The following UBAP1 variants were observed in gnomAD, a reference collection of about 807,000 sequenced individuals.
UBAP1 encodes the protein ubiquitin-associated protein 1.
In UBAP1, 5 loss-of-function variants were observed where a neutral mutation model predicts 39.0. The observed-to-expected ratio is 0.13, with a 90% CI of 0.07 to 0.27. UBAP1 has a LOEUF of 0.27. Among genes scored for constraint, UBAP1 ranks in the 10% least tolerant of loss-of-function variants. The probability of loss-of-function intolerance (pLI) is 1.00; values close to 1 mark genes in which losing one functional copy is unlikely to be tolerated. For synonymous variants in UBAP1, 211 were observed against 225.1 expected (o/e 0.94, Z 0.56); for missense variants, 490 against 608.1 (o/e 0.81, Z 2.04).
intron 1 of UBAP1, among the ~76,000 whole-genome samples, chr9:34,196,898 T>TTGTGTGTG (rs777008697): frequency 0.1 from 14,298 of 141,156 alleles, 843 homozygotes; most frequent in Middle Eastern, 0.14. Flanking sequence ...ATATTGTTAT[T>TTGTGTGTG]TGTGTGTGTG....
intron 2 of UBAP1, among the ~76,000 whole-genome samples, chr9:34,226,356 C>A (rs769384559): frequency 6.6e-6 from 1 of 151,644 alleles, no homozygotes; most frequent in Non-Finnish European, 1.5e-5. Context: ...CCTGTCTCAG[C>A]CCCCTGAGTA....
intron 1 of UBAP1, among the ~76,000 whole-genome samples, chr9:34,198,437 T>A (rs1229721699): frequency 6.6e-6 from 1 of 151,966 alleles, no homozygotes; most frequent in Non-Finnish European, 1.5e-5. Context: ...TCCTGTGGAG[T>A]TGGAGTTTCA....
chr9:34,194,514 C>T (rs1830912774), intron 1 of UBAP1, among the ~76,000 whole-genome samples: 1 of 152,080 alleles, frequency 6.6e-6, no homozygotes, highest in South Asian at 2.1e-4. Context: ...TGGGGTTTCA[C>T]TGTTTTAGCC....
intron 1 of UBAP1, among the ~76,000 whole-genome samples, chr9:34,193,999 A>G (rs1467710913): frequency 1.3e-5 from 2 of 152,196 alleles, no homozygotes; most frequent in Non-Finnish European, 1.5e-5. Context: ...CCTGCCCCTG[A>G]GACCTAACAC....
Position 34,215,732 on chromosome 9 carries a change from C to T in UBAP1, c.-7-5176C>T, listed in dbSNP as rs1251302780. ...AAAGTATAGGAAGTTATTGGTGAAA[C>T]GTGTGTACATATATATATGTACACA... is the stretch of plus-strand genomic sequence containing the variant. On this transcript the variant is annotated intron_variant, in intron 1 of 6. Coordinates refer to ENST00000297661, the MANE Select transcript of UBAP1 (RefSeq NM_016525.5). Among the ~76,000 whole-genome samples, 12 of 151,560 alleles carry T rather than the reference C, an allele frequency of 7.9e-5. 1 individual carries two copies. The highest frequency in any genetic ancestry group is 6.6e-4 in the Admixed American group (10 of 15,206).
intron 1 of UBAP1, among the ~76,000 whole-genome samples, chr9:34,186,649 C>T (rs1197478972): frequency 6.6e-6 from 1 of 151,828 alleles, no homozygotes; most frequent in Non-Finnish European, 1.5e-5. Flanking sequence ...TTTCGTTGGT[C>T]ATTTGTGCTT....
At chr9:34,196,569 G>A (rs1211455423) in intron 1 of UBAP1, among the ~76,000 whole-genome samples, 2 of 151,764 alleles carry the variant, frequency 1.3e-5, no homozygotes, top group East Asian at 1.9e-4. Flanking sequence ...TGCCCTACTC[G>A]GCCTCCCAAA....
chr9:34,182,008 A>G (rs904070988), intron 1 of UBAP1, among the ~76,000 whole-genome samples: 3 of 148,722 alleles, frequency 2.0e-5, no homozygotes, highest in Non-Finnish European at 4.4e-5. Flanking sequence ...TATGTTGCCC[A>G]GTCTGATTTT....
intron 4 of UBAP1, among the ~76,000 whole-genome samples, chr9:34,243,781 T>C (rs1313885909): frequency 6.7e-6 from 1 of 150,352 alleles, no homozygotes; most frequent in Non-Finnish European, 1.5e-5. Context: ...TGAGCCACAG[T>C]GGCTGGCCAA....
At chr9:34,248,183 G>A (rs1403531301) in intron 4 of UBAP1, among the ~76,000 whole-genome samples, 1 of 151,902 alleles carries the variant, frequency 6.6e-6, no homozygotes, top group Non-Finnish European at 1.5e-5. Flanking sequence ...CTACAGGCAT[G>A]TGCCACCACA....
At position 34,234,315 on chromosome 9, in the gene UBAP1, G is replaced by T. The variant is rs781610214; in HGVS notation, c.134G>T (p.Cys45Phe). The change falls in exon 3 of 7, where the codon TGT becomes TTT. Residue 45 changes from cysteine (C) to phenylalanine (F), a missense_variant. Physicochemically the swap from Cys to Phe is radical, Grantham distance 205. Around this residue, in one of 3 missense-constraint regions of UBAP1, gnomAD observed 144 missense variants for 184.4 expected, o/e 0.78. Transcript: ENST00000297661. ...CCTATTGGCTTCTCCTTGCCTGATT[G>T]TTTGCAGGTTGTCAGAGAAGTACAG... ...GLPIGFSLPD[C>F]LQVVREVQYD... 1 of 1,606,696 alleles carries T rather than the reference G, an allele frequency of 6.2e-7. No homozygotes were observed. The highest frequency in any genetic ancestry group is 1.7e-5 in the Admixed American group (1 of 57,518).
chr9:34,225,972 A>G (rs889682459), intron 2 of UBAP1, among the ~76,000 whole-genome samples: 1 of 152,108 alleles, frequency 6.6e-6, no homozygotes, highest in Non-Finnish European at 1.5e-5. Flanking sequence ...TAATTGATAT[A>G]TAAAAAGCTG....
At chr9:34,203,179 A>C (rs1831497696) in intron 1 of UBAP1, among the ~76,000 whole-genome samples, 1 of 152,170 alleles carries the variant, frequency 6.6e-6, no homozygotes, top group Admixed American at 6.6e-5. Context: ...GTGTGGTGGT[A>C]CATTCCTATA....
At chr9:34,187,028 C>T (rs954643370) in intron 1 of UBAP1, among the ~76,000 whole-genome samples, 10 of 152,158 alleles carry the variant, frequency 6.6e-5, no homozygotes, top group Admixed American at 1.3e-4. Flanking sequence ...CTGTCTCAGC[C>T]TCCCGAGTAG....
At chr9:34,231,768 C>T (rs1335455762) in intron 2 of UBAP1, among the ~76,000 whole-genome samples, 1 of 152,150 alleles carries the variant, frequency 6.6e-6, no homozygotes, top group Non-Finnish European at 1.5e-5. Context: ...CCTCAGCCTC[C>T]CCAGTAGCTG....
intron 3 of UBAP1, among the ~76,000 whole-genome samples, chr9:34,237,921 CAT>C (rs1273008349): frequency 6.6e-6 from 1 of 152,172 alleles, no homozygotes; most frequent in Non-Finnish European, 1.5e-5. Flanking sequence ...AATATATTCA[CAT>C]AGTTGTGTAA....
intron 3 of UBAP1, among the ~76,000 whole-genome samples, chr9:34,239,171 A>C (rs1833842239): frequency 6.6e-6 from 1 of 152,200 alleles, no homozygotes; most frequent in South Asian, 2.1e-4. Context: ...TAGCCTCCTG[A>C]GTAGCTGGGA....
intron 1 of UBAP1, among the ~76,000 whole-genome samples, chr9:34,192,840 CTT>C (rs1181706103): frequency 1.3e-5 from 2 of 152,032 alleles, no homozygotes; most frequent in African/African-American, 4.8e-5. Flanking sequence ...AATTATAGGA[CTT>C]TAAATATTTT....
chr9:34,194,201 GT>G (rs1250666789), intron 1 of UBAP1, among the ~76,000 whole-genome samples: 3 of 151,910 alleles, frequency 2.0e-5, no homozygotes, highest in African/African-American at 7.3e-5. Context: ...GTAAAGTTAG[GT>G]TTATTTGTTT....
Sources: gnomAD v4.1 joint callset for allele counts (sites outside exome capture counted in the v4.1 genomes callset) on GRCh38, gnomAD v4.1.1 for gene constraint, gnomAD v4.1.1 regional missense constraint, MANE v1.5 for transcripts, NCBI Gene and HGNC (gene_info 2026-07-23, HGNC 2026-07-21) for gene names.